TCF4: variants seen among roughly 807,000 people sequenced by gnomAD.
TCF4 encodes SL3-3 enhancer factor 2.
Under a neutral mutation model 82.1 loss-of-function variants are expected in TCF4, and 3 were observed. The ratio of observed to expected loss-of-function variants is 0.04; its 90% CI spans 0.02 to 0.09. The LOEUF (loss-of-function observed/expected upper bound fraction) is 0.09, where lower values mean the gene tolerates loss of function less well. TCF4 is among the 10% of genes least tolerant of loss of function. TCF4 has a pLI of 1.00. For synonymous variants in TCF4, 276 were observed against 309.6 expected (o/e 0.89, Z 1.14); for missense variants, 518 against 852.7 (o/e 0.61, Z 4.89).
intron 3 of TCF4, among the ~76,000 whole-genome samples, chr18:55,464,823 T>A (rs1266953614): frequency 1.3e-5 from 2 of 152,180 alleles, no homozygotes; most frequent in Non-Finnish European, 2.9e-5. Flanking sequence ...AAGCAATGTT[T>A]TGTTTTGATA....
intron 3 of TCF4, among the ~76,000 whole-genome samples, chr18:55,559,072 G>C (rs934619642): frequency 4.1e-4 from 60 of 146,476 alleles, no homozygotes; most frequent in Non-Finnish European, 6.4e-4. Context: ...GTCTGATCAA[G>C]GATCAATCCA....
chr18:55,493,893 C>T (rs931505119), intron 3 of TCF4, among the ~76,000 whole-genome samples: 3 of 152,014 alleles, frequency 2.0e-5, no homozygotes, highest in Non-Finnish European at 4.4e-5. Context: ...CTGCACCTGT[C>T]CCATCAACCC....
At chr18:55,351,524 A>G (rs562590043) in intron 6 of TCF4, among the ~76,000 whole-genome samples, 54 of 152,206 alleles carry the variant, frequency 3.5e-4, no homozygotes, top group African/African-American at 1.2e-3. Context: ...GAAAATGCCA[A>G]CTGAACCAAG....
intron 3 of TCF4, among the ~76,000 whole-genome samples, chr18:55,470,138 T>A (rs1210770360): frequency 6.6e-6 from 1 of 152,210 alleles, no homozygotes; most frequent in Non-Finnish European, 1.5e-5. Flanking sequence ...ATTTGCAAGA[T>A]TAAGGAGTTA....
chr18:55,543,930 GT>G (rs910955031), intron 3 of TCF4, among the ~76,000 whole-genome samples: 35 of 151,526 alleles, frequency 2.3e-4, no homozygotes, highest in African/African-American at 7.7e-4. Context: ...AGTCTGGTAA[GT>G]TTTTTTTTCC....
intron 8 of TCF4, among the ~76,000 whole-genome samples, chr18:55,293,931 C>CTTTTTTTTTT (rs781150808): frequency 0.01 from 411 of 40,038 alleles, 130 homozygotes; most frequent in Non-Finnish European, 0.016. Flanking sequence ...TTTCCAAGGA[C>CTTTTTTTTTT]TTTTTTTTTT....
chr18:55,423,427 G>GCGCACACACACACA (rs1491432938), intron 5 of TCF4: 1 of 106,044 alleles, frequency 9.4e-6, no homozygotes, highest in African/African-American at 4.5e-5. Flanking sequence ...ACGCGCGCGC[G>GCGCACACACACACA]CACACACACA....
In TCF4 at chr18:55,546,625, G is replaced by A. The variant is rs549333983; in HGVS notation, c.145+38655C>T. Among the ~76,000 whole-genome samples, 4 of 152,226 alleles carry A rather than the reference G, an allele frequency of 2.6e-5. No homozygotes were observed. The East Asian group carries it at 7.7e-4, about 29-fold the overall frequency. On this transcript the variant is annotated intron_variant, in intron 3 of 19. Transcript: ENST00000354452. The stretch of plus-strand genomic sequence containing the variant: ...AGGGCCTGGAGAAGATATAAAGAAG[G>A]ATAAAGTTTAACTTTTGAAAATCTA...
At chr18:55,362,385 GGAAGGAAA>G (rs1398963053) in intron 6 of TCF4, among the ~76,000 whole-genome samples, 1,415 of 82,272 alleles carry the variant, frequency 0.017, 11 homozygotes, top group South Asian at 0.053. Flanking sequence ...AAGGAAGGAA[GGAAGGAAA>G]GAAGGAAGGA....
intron 3 of TCF4, among the ~76,000 whole-genome samples, chr18:55,538,218 A>T (rs185260351): frequency 6.6e-6 from 1 of 152,310 alleles, no homozygotes; most frequent in East Asian, 1.9e-4. Flanking sequence ...TCAATGTGAA[A>T]TGTATTCTTG....
chr18:55,468,194 G>A (rs2096073740), intron 3 of TCF4, among the ~76,000 whole-genome samples: 1 of 152,216 alleles, frequency 6.6e-6, no homozygotes, highest in South Asian at 2.1e-4. Context: ...AAGGACCCAA[G>A]TGACTGCAAA....
At chr18:55,362,544 T>A (rs766055881) in intron 6 of TCF4, among the ~76,000 whole-genome samples, 5 of 152,208 alleles carry the variant, frequency 3.3e-5, no homozygotes, top group Non-Finnish European at 7.3e-5. Context: ...CGAACTTGCT[T>A]ATTCCATAAA....
intron 6 of TCF4, among the ~76,000 whole-genome samples, chr18:55,378,336 C>T (rs1049491530): frequency 6.6e-6 from 1 of 152,200 alleles, no homozygotes; most frequent in Non-Finnish European, 1.5e-5. Flanking sequence ...TAATTTAACA[C>T]ACTCTTATAA....
intron 3 of TCF4, among the ~76,000 whole-genome samples, chr18:55,474,828 C>T (rs770936554): frequency 6.6e-6 from 1 of 151,800 alleles, no homozygotes; most frequent in Non-Finnish European, 1.5e-5. Context: ...AGGCTGGAGT[C>T]CAGTGGCACA....
At chr18:55,440,774 G>A (rs72928911) in intron 5 of TCF4, among the ~76,000 whole-genome samples, 4,802 of 152,100 alleles carry the variant, frequency 0.032, 99 homozygotes, top group Non-Finnish European at 0.048. Flanking sequence ...CTCTTTCTTC[G>A]TAAGTAATTG....
At chr18:55,456,615 G>C (rs1175363644) in intron 5 of TCF4, among the ~76,000 whole-genome samples, 2 of 152,120 alleles carry the variant, frequency 1.3e-5, no homozygotes, top group South Asian at 4.1e-4. Flanking sequence ...GGAGCAAACA[G>C]TTTTAGCTAG....
chr18:55,607,004 C>A (rs913402897), intron 2 of TCF4, among the ~76,000 whole-genome samples: 6 of 152,126 alleles, frequency 3.9e-5, no homozygotes, highest in African/African-American at 1.4e-4. Flanking sequence ...GGAATGAGAA[C>A]AGTGGGTGAC....
At chr18:55,474,806 G>A (rs958886866) in intron 3 of TCF4, among the ~76,000 whole-genome samples, 1 of 151,736 alleles carries the variant, frequency 6.6e-6, no homozygotes, top group Non-Finnish European at 1.5e-5. Context: ...ACAGGGTCTC[G>A]TTCTGTCACA....
chr18:55,488,820 TAAAGA>T (rs771497564), intron 3 of TCF4, among the ~76,000 whole-genome samples: 1 of 152,204 alleles, frequency 6.6e-6, no homozygotes, highest in Non-Finnish European at 1.5e-5. Flanking sequence ...AGCTTCCACG[TAAAGA>T]AGAGAAGTCA....
Sources: gnomAD v4.1 joint callset for allele counts (sites outside exome capture counted in the v4.1 genomes callset) on GRCh38, gnomAD v4.1.1 for gene constraint, MANE v1.5 for transcripts, NCBI Gene and HGNC (gene_info 2026-07-23, HGNC 2026-07-21) for gene names.